Variants in CLEC2A observed in about 807,000 individuals in gnomAD.
CLEC2A encodes C-type lectin domain family 2 member A.
In CLEC2A, 19 loss-of-function variants were observed where a neutral mutation model predicts 18.6. The ratio of observed to expected loss-of-function variants is 1.02; its 90% CI spans 0.71 to 1.50. CLEC2A has a LOEUF of 1.50. Ranked by LOEUF, CLEC2A falls within the 40% of genes most tolerant of loss-of-function variation. CLEC2A has a pLI of 0.00. For synonymous variants in CLEC2A, 74 were observed against 64.0 expected (o/e 1.16, Z -0.75); for missense variants, 190 against 207.9 (o/e 0.91, Z 0.53).
At chr12:9,882,924 T>C in the CLEC2A span, among the ~76,000 whole-genome samples, 1 of 152,244 alleles carries the variant, frequency 6.6e-6, no homozygotes, top group Non-Finnish European at 1.5e-5. Flanking sequence ...ATGTGGATGT[T>C]AAACTAAATT....
chr12:9,923,567 T>A, intron 2 of CLEC2A, among the ~76,000 whole-genome samples: 1 of 152,136 alleles, frequency 6.6e-6, no homozygotes. Flanking sequence ...ACCCAGCCAT[T>A]CCATTACTGG....
the CLEC2A span, among the ~76,000 whole-genome samples, chr12:9,881,236 AT>A: frequency 6.9e-6 from 1 of 144,666 alleles, no homozygotes; most frequent in Admixed American, 6.7e-5. Flanking sequence ...GTTTTATTTT[AT>A]TTTTTCTCTT....
the CLEC2A span, chr12:9,893,511 G>A: frequency 1.3e-6 from 2 of 1,509,576 alleles, no homozygotes; most frequent in Non-Finnish European, 1.8e-6. Flanking sequence ...CTATGGATGT[G>A]GATAGATGAA....
downstream of CLEC2A, among the ~76,000 whole-genome samples, chr12:9,908,394 C>T (rs116531009): frequency 4.5e-3 from 686 of 152,282 alleles, 7 homozygotes; most frequent in African/African-American, 0.016. Flanking sequence ...ATGAGTTGAT[C>T]GGTTTTTATA....
chr12:9,884,387 A>G, the CLEC2A span, among the ~76,000 whole-genome samples: 17 of 151,854 alleles, frequency 1.1e-4, no homozygotes, highest in Admixed American at 1.1e-3. Flanking sequence ...TTACAGGTGT[A>G]AGGTGAAATA....
At chr12:9,885,245 A>ACTTTATTAT in the CLEC2A span, among the ~76,000 whole-genome samples, 5 of 151,836 alleles carry the variant, frequency 3.3e-5, 1 homozygote, top group African/African-American at 9.6e-5. Flanking sequence ...ATAGAGGTTG[A>ACTTTATTAT]CTTTATTATC....
intron 1 of CLEC2A, among the ~76,000 whole-genome samples, chr12:9,928,992 G>A (rs1199346046): frequency 1.3e-5 from 2 of 151,908 alleles, no homozygotes; most frequent in Non-Finnish European, 2.9e-5. Context: ...TGTGATATTT[G>A]CAATAGATTG....
At chr12:9,893,146 T>C in the CLEC2A span, 1 of 1,532,292 alleles carries the variant, frequency 6.5e-7, no homozygotes, top group East Asian at 2.4e-5. Flanking sequence ...CATTTACTGG[T>C]GATTCAAAAT....
intron 4 of CLEC2A, among the ~76,000 whole-genome samples, chr12:9,913,971 CTTCCTTCCTTCCTTGGTTCT>C (rs1280834925): frequency 6.6e-6 from 1 of 152,136 alleles, no homozygotes; most frequent in African/African-American, 2.4e-5. Context: ...TCCTTCCATT[CTTCCTTCCTTCCTTGGTTCT>C]TTCCTTCCTT....
At chr12:9,912,081 A>G (rs944885640), downstream of CLEC2A, among the ~76,000 whole-genome samples, 4 of 150,902 alleles carry the variant, frequency 2.7e-5, no homozygotes, top group African/African-American at 9.8e-5. Flanking sequence ...ATGTCCTCTA[A>G]AAGGAAAAAA....
intron 4 of CLEC2A, among the ~76,000 whole-genome samples, chr12:9,903,288 G>C (rs1862861887): frequency 6.6e-6 from 1 of 152,042 alleles, no homozygotes; most frequent in Non-Finnish European, 1.5e-5. Flanking sequence ...TGTAGGGGAG[G>C]TTTTTGTGAG....
chr12:9,904,433 T>C (rs2137018851), intron 4 of CLEC2A, among the ~76,000 whole-genome samples: 1 of 152,332 alleles, frequency 6.6e-6, no homozygotes, highest in African/African-American at 2.4e-5. Context: ...TTTAATCCTT[T>C]CCAGCCAGGC....
intron 1 of CLEC2A, among the ~76,000 whole-genome samples, chr12:9,927,442 G>A (rs1404310522): frequency 2.0e-5 from 3 of 151,902 alleles, no homozygotes; most frequent in Non-Finnish European, 2.9e-5. Flanking sequence ...TGTGTATATC[G>A]TGCATATATG....
downstream of CLEC2A, among the ~76,000 whole-genome samples, chr12:9,908,961 C>T (rs544498085): frequency 5.2e-4 from 79 of 152,246 alleles, no homozygotes; most frequent in South Asian, 3.1e-3. Context: ...TTTTGCTTTT[C>T]TTCGTATCTT....
At chr12:9,902,612 T>C (rs7304779) in intron 4 of CLEC2A, among the ~76,000 whole-genome samples, 73,235 of 150,654 alleles carry the variant, frequency 0.49, 19,394 homozygotes, top group Non-Finnish European at 0.6. Flanking sequence ...GTGGAAGCTT[T>C]GTTCTTTCGC....
chr12:9,930,571 T>A (rs975320592), intron 1 of CLEC2A, among the ~76,000 whole-genome samples: 2 of 152,106 alleles, frequency 1.3e-5, no homozygotes, highest in African/African-American at 4.8e-5. Context: ...ATTATCTCAT[T>A]TTTTAATTTT....
the CLEC2A span, chr12:9,892,973 C>T: frequency 7.1e-7 from 1 of 1,410,298 alleles, no homozygotes. Flanking sequence ...TCTATCTTCC[C>T]TGTTGGCTGT....
intron 4 of CLEC2A, among the ~76,000 whole-genome samples, chr12:9,903,924 C>T (rs576018408): frequency 6.6e-6 from 1 of 152,208 alleles, no homozygotes; most frequent in African/African-American, 2.4e-5. Context: ...TGTTTTTATC[C>T]TTTTTGGTTA....
At position 9,932,366 on chromosome 12, in the gene CLEC2A, A is replaced by C; in HGVS notation, c.-37T>G. 6.5e-7 allele frequency: 1 copy of C among 1,549,972 alleles called. No homozygotes were observed. The highest frequency in any genetic ancestry group is 8.7e-7 in the Non-Finnish European group (1 of 1,145,792). On this transcript the variant is annotated 5_prime_UTR_variant, in exon 1 of 5. Transcript: ENST00000455827. ...AACCGATGGAGATCAGTAGGAGAGG[A>C]CTAGAAAGCTTTTCATGTACATCAC...
Sources: allele counts gnomAD v4.1 joint callset (sites outside exome capture counted in the v4.1 genomes callset), GRCh38; gene constraint gnomAD v4.1.1; transcripts MANE v1.5; gene names NCBI Gene and HGNC (gene_info 2026-07-23, HGNC 2026-07-21).